Variants in ARHGAP22 observed in about 807,000 individuals in gnomAD.
ARHGAP22 encodes the protein rho GTPase-activating protein 22.
In ARHGAP22, 48 loss-of-function variants were observed where a neutral mutation model predicts 59.1. The observed-to-expected ratio is 0.81, with a 90% CI of 0.64 to 1.03. The LOEUF is 1.03. Among genes scored for constraint, ARHGAP22 ranks in the 50% least tolerant of loss-of-function variants. The pLI, the probability that ARHGAP22 is intolerant of heterozygous loss-of-function variation, is 0.00. For missense variants in ARHGAP22, 1,015 were observed against 958.7 expected (o/e 1.06, Z -0.78); for synonymous variants, 445 against 416.4 (o/e 1.07, Z -0.84).
At chr10:48,628,227 G>A (rs1053714891) in intron 1 of ARHGAP22, among the ~76,000 whole-genome samples, 4 of 152,180 alleles carry the variant, frequency 2.6e-5, no homozygotes, top group African/African-American at 9.7e-5. Flanking sequence ...TGCTGTGCCT[G>A]GTGGCAGGTC....
intron 4 of ARHGAP22, among the ~76,000 whole-genome samples, chr10:48,473,106 A>G (rs1339636391): frequency 2.6e-5 from 4 of 152,244 alleles, no homozygotes; most frequent in African/African-American, 7.2e-5. Flanking sequence ...GTGTCCATCA[A>G]TGGATGAATG....
intron 3 of ARHGAP22, among the ~76,000 whole-genome samples, chr10:48,496,444 G>T (rs550973199): frequency 1.9e-4 from 29 of 152,300 alleles, no homozygotes; most frequent in African/African-American, 6.3e-4. Flanking sequence ...TAGGTGTCAT[G>T]ATTCTCATTT....
At chr10:48,602,188 T>C (rs1250229580) in intron 1 of ARHGAP22, among the ~76,000 whole-genome samples, 4 of 152,204 alleles carry the variant, frequency 2.6e-5, no homozygotes, top group South Asian at 2.1e-4. Context: ...AATAAGGCCA[T>C]TGAAGGTACT....
upstream of ARHGAP22, among the ~76,000 whole-genome samples, chr10:48,607,304 A>C (rs554541513): frequency 9.2e-5 from 14 of 152,298 alleles, no homozygotes; most frequent in African/African-American, 3.4e-4. Context: ...TGGGGATCAG[A>C]GCTGGGCTCA....
chr10:48,636,622 T>A (rs1402142329), intron 1 of ARHGAP22, among the ~76,000 whole-genome samples: 2 of 152,176 alleles, frequency 1.3e-5, no homozygotes, highest in Non-Finnish European at 2.9e-5. Context: ...AGGGGATATA[T>A]CTTTACACGT....
chr10:48,555,222 C>G (rs752578004), intron 3 of ARHGAP22, among the ~76,000 whole-genome samples: 11 of 152,176 alleles, frequency 7.2e-5, no homozygotes, highest in Non-Finnish European at 1.5e-4. Context: ...TTGCATTTAT[C>G]GTGAATTTAA....
chr10:48,495,792 C>A (rs528679518), intron 3 of ARHGAP22, among the ~76,000 whole-genome samples: 5 of 152,256 alleles, frequency 3.3e-5, no homozygotes, highest in African/African-American at 1.2e-4. Context: ...CTCTCACATT[C>A]CCTCGCTTGT....
chr10:48,446,095 G>T lies in ARHGAP22; in HGVS notation c.*296C>A. On this transcript the variant is annotated 3_prime_UTR_variant, in exon 10 of 10. Coordinates refer to ENST00000249601, the MANE Select transcript of ARHGAP22 (RefSeq NM_021226.4). ...TGTTCCCGGTGGCTGCCTGGATCCT[G>T]GGCGCCCTCCATTTCTGTGGCCATG... The T allele has an allele frequency of 2.3e-6, 1 of 433,748 alleles. No homozygotes were observed. Among genetic ancestry groups the T allele is most frequent in the East Asian group, 3.9e-5 (1 of 25,446 alleles). The allele number at this position is 433,748 out of a possible 1,614,324, so 26.9% of individuals were successfully genotyped here. A position where few individuals can be genotyped will look rare whatever the true frequency, so the allele number is the denominator to read the frequency against.
chr10:48,561,375 A>G (rs568822149), intron 2 of ARHGAP22, among the ~76,000 whole-genome samples: 12 of 152,336 alleles, frequency 7.9e-5, no homozygotes, highest in Non-Finnish European at 1.6e-4. Context: ...TGATATACCT[A>G]AACACAAAAT....
chr10:48,515,526 C>T (rs2053201000), intron 3 of ARHGAP22, among the ~76,000 whole-genome samples: 2 of 152,070 alleles, frequency 1.3e-5, no homozygotes, highest in Admixed American at 6.6e-5. Context: ...GGCAGAACAT[C>T]AACAAGGAAA....
At chr10:48,512,679 C>A (rs1008857512) in intron 3 of ARHGAP22, among the ~76,000 whole-genome samples, 1 of 152,134 alleles carries the variant, frequency 6.6e-6, no homozygotes, top group Non-Finnish European at 1.5e-5. Flanking sequence ...CAAAGGTATC[C>A]CTCTTTGGCT....
At chr10:48,464,124 T>TA (rs2047419681) in intron 4 of ARHGAP22, among the ~76,000 whole-genome samples, 1 of 152,166 alleles carries the variant, frequency 6.6e-6, no homozygotes, top group Non-Finnish European at 1.5e-5. Context: ...CTCTAGGAAT[T>TA]AGAGAGCTGC....
chr10:48,606,945 T>C (rs995003460), upstream of ARHGAP22, among the ~76,000 whole-genome samples: 3 of 152,134 alleles, frequency 2.0e-5, no homozygotes, highest in Non-Finnish European at 4.4e-5. Flanking sequence ...GAAACACCAC[T>C]GAATGACAGA....
downstream of ARHGAP22, among the ~76,000 whole-genome samples, chr10:48,442,876 G>A (rs2045234837): frequency 1.3e-5 from 2 of 152,170 alleles, no homozygotes; most frequent in African/African-American, 2.4e-5. Context: ...CAGGGGCTTG[G>A]GATTTATGAA....
intron 3 of ARHGAP22, among the ~76,000 whole-genome samples, chr10:48,524,467 A>AGGGGGCGCCAC (rs140809698): frequency 0.27 from 40,895 of 151,292 alleles, 6,218 homozygotes; most frequent in African/African-American, 0.4. Context: ...AGGAGCCGCC[A>AGGGGGCGCCAC]GGGGGCGCCA....
intron 3 of ARHGAP22, among the ~76,000 whole-genome samples, chr10:48,514,831 T>C (rs1486479361): frequency 2.0e-5 from 3 of 152,132 alleles, no homozygotes; most frequent in Non-Finnish European, 1.5e-5. Flanking sequence ...CAAAGTTATA[T>C]TGGAGCAAAG....
At position 48,583,018 on chromosome 10, in the gene ARHGAP22, G is replaced by T; in HGVS notation, c.169C>A (p.Arg57Ser). The T allele has an allele frequency of 6.2e-7, 1 of 1,614,224 alleles. No homozygotes were observed. The highest frequency in any genetic ancestry group is 1.1e-5 in the South Asian group (1 of 91,090). Residue 57 changes from arginine to serine, a missense_variant, in exon 2 of 10, where the codon CGC becomes AGC. Transcript: ENST00000249601. ...QRSIMKNWQQ[R>S]WFVLRGDQLF... ...TGATCCCCACGCAGCACAAACCAGC[G>T]CTGCTGCCAGTTCTTCATGATGCTC...
At chr10:48,539,291 A>ATTTTT (rs56801787) in intron 3 of ARHGAP22, among the ~76,000 whole-genome samples, 2,018 of 136,210 alleles carry the variant, frequency 0.015, 86 homozygotes, top group African/African-American at 0.053. Context: ...GAAGGGTAAC[A>ATTTTT]TTTTTTTTTT....
chr10:48,446,014 T>C (rs41311235), downstream of ARHGAP22: 6,861 of 278,776 alleles, frequency 0.025, 125 homozygotes, highest in Non-Finnish European at 0.035. Flanking sequence ...GCATGAAAAA[T>C]GAGCCAGGTA....
Sources: allele counts gnomAD v4.1 joint callset (sites outside exome capture counted in the v4.1 genomes callset), GRCh38; gene constraint gnomAD v4.1.1; transcripts MANE v1.5; gene names NCBI Gene and HGNC (gene_info 2026-07-23, HGNC 2026-07-21).